The following EXD1 variants were observed in gnomAD, a reference collection of about 807,000 sequenced individuals.
EXD1 encodes the protein piRNA biogenesis protein EXD1.
In EXD1, 63 loss-of-function variants were observed where a neutral mutation model predicts 49.1. The observed-to-expected ratio is 1.28, with a 90% CI of 1.05 to 1.58. EXD1 has a LOEUF of 1.58. EXD1 is among the 40% of genes most tolerant of loss of function. The probability of loss-of-function intolerance (pLI) is 0.00; values close to 1 mark genes in which losing one functional copy is unlikely to be tolerated. For synonymous variants in EXD1, 234 were observed against 239.2 expected, an observed-to-expected ratio of 0.98 and a Z score of 0.20; for missense variants, 748 against 666.0, an observed-to-expected ratio of 1.12 and a Z score of -1.36.
At chr15:41,202,170 T>A (rs564861534) in intron 7 of EXD1, among the ~76,000 whole-genome samples, 1,722 of 149,542 alleles carry the variant, frequency 0.012, 12 homozygotes, top group Non-Finnish European at 0.016. Flanking sequence ...ATATATATTT[T>A]TTTTAATTTA....
Position 41,230,466 on chromosome 15 carries a change from A to G in EXD1, c.-54+13T>C, listed in dbSNP as rs778179261. ...TTTAAGACAAAATAAGGAACTTCAA[A>G]TAAATGGCGGACCATAAGCTAGGAA... On this transcript the variant is annotated intron_variant, in intron 1 of 11. Coordinates refer to ENST00000458580, the MANE Select transcript of EXD1 (RefSeq NM_001286441.2). 1.9e-6 allele frequency: 3 copies of G among 1,611,944 alleles called. No individual in the cohort carries two copies. Among genetic ancestry groups the G allele is most frequent in the Non-Finnish European group, 2.5e-6 (3 of 1,178,118 alleles).
Position 41,226,566 on chromosome 15 carries a change from T to TG in EXD1, c.9dup (p.Ser4GlnfsTer3). 1.3e-6 allele frequency: 2 copies of TG among 1,536,050 alleles called. No individual in the cohort carries two copies. Among genetic ancestry groups the TG allele is most frequent in the African/African-American group, 2.7e-5 (2 of 73,186 alleles). ...TGGCTGAGGAAATGGTAGTCACTGC[T>TG]GGGGTCCATGCTAATTGATTCCAAA... On this transcript the variant is annotated frameshift_variant, in exon 2 of 12. Transcript: ENST00000458580. LOFTEE classifies it high-confidence loss of function.
intron 7 of EXD1, among the ~76,000 whole-genome samples, chr15:41,196,991 A>AT (rs1280937557): frequency 1.3e-5 from 2 of 150,778 alleles, no homozygotes; most frequent in East Asian, 3.9e-4. Flanking sequence ...CGCCCAGCTA[A>AT]TTTTTGTATT....
intron 7 of EXD1, among the ~76,000 whole-genome samples, chr15:41,206,618 CTTTTTTTT>C (rs764744329): frequency 9.9e-6 from 1 of 101,192 alleles, no homozygotes. Context: ...TTATTCAATT[CTTTTTTTT>C]TTTTTTTTTT....
At chr15:41,193,676 G>A (rs1395738529) in intron 9 of EXD1, among the ~76,000 whole-genome samples, 3 of 151,782 alleles carry the variant, frequency 2.0e-5, no homozygotes, top group African/African-American at 7.3e-5. Context: ...GGACTTCGAG[G>A]CCACATTAGC....
chr15:41,223,452 G>A (rs1201470248), intron 2 of EXD1, among the ~76,000 whole-genome samples: 1 of 151,876 alleles, frequency 6.6e-6, no homozygotes, highest in Non-Finnish European at 1.5e-5. Flanking sequence ...TGGGTGTGGT[G>A]GCTCATGCCT....
chr15:41,207,369 C>T (rs2046848716), intron 7 of EXD1, among the ~76,000 whole-genome samples: 1 of 151,930 alleles, frequency 6.6e-6, no homozygotes, highest in South Asian at 2.1e-4. Flanking sequence ...TGGAGAAACC[C>T]TGTCTCTACT....
At chr15:41,202,144 T>G (rs948930701) in intron 7 of EXD1, among the ~76,000 whole-genome samples, 23 of 137,770 alleles carry the variant, frequency 1.7e-4, no homozygotes, top group African/African-American at 7.3e-4. Flanking sequence ...TCTCAGAACT[T>G]TCATTATATA....
intron 9 of EXD1, among the ~76,000 whole-genome samples, chr15:41,192,891 G>A (rs2046550141): frequency 6.7e-6 from 1 of 148,962 alleles, no homozygotes; most frequent in Non-Finnish European, 1.5e-5. Context: ...CGCCTCCCGG[G>A]TTCACGCCAT....
chr15:41,185,640 C>A (rs543680437), intron 11 of EXD1, among the ~76,000 whole-genome samples: 2 of 152,008 alleles, frequency 1.3e-5, no homozygotes, highest in African/African-American at 4.8e-5. Context: ...CAGCCTCCCC[C>A]ACTCAGAGGA....
chr15:41,195,678 A>C (rs994570738), intron 9 of EXD1, 97 bp downstream of exon 9: 2 of 896,392 alleles, frequency 2.2e-6, no homozygotes, highest in Non-Finnish European at 3.1e-6. Flanking sequence ...AAAAAAAAAA[A>C]ATTAAAAAGA....
At chr15:41,217,050 G>A in intron 4 of EXD1, 47 bp downstream of exon 4, 2 of 1,538,786 alleles carry the variant, frequency 1.3e-6, no homozygotes, top group Non-Finnish European at 1.8e-6. Flanking sequence ...CTACCCTAAT[G>A]TGCACATTTG....
intron 3 of EXD1, among the ~76,000 whole-genome samples, chr15:41,218,197 C>T (rs183542358): frequency 6.6e-6 from 1 of 152,126 alleles, no homozygotes; most frequent in East Asian, 1.9e-4. Flanking sequence ...AAAAATACAA[C>T]AATTGGGCTG....
rs1595436620 is a variant in EXD1, at chr15:41,199,748, T to TGATATATAATATATC, written c.535-3712_535-3711insGATATATTATATATC. On this transcript the variant is annotated intron_variant, in intron 7 of 11. Transcript: ENST00000458580. ...TATATATGATATATATGTCATATAT[T>TGATATATAATATATC]ATATATGATACATATATGATATATA... 1.8e-4 allele frequency among the ~76,000 whole-genome samples: 2 copies of TGATATATAATATATC among 10,844 alleles called. 1 individual carries two copies. Among genetic ancestry groups the TGATATATAATATATC allele is most frequent in the Admixed American group, 2.7e-3 (2 of 738 alleles). The allele number at this position is 10,844 out of a possible 152,430, so 7.1% of individuals were successfully genotyped here.
At position 41,195,776 on chromosome 15, in the gene EXD1, T is replaced by A; in HGVS notation, c.719A>T (p.Gln240Leu). The change falls in exon 9 of 12, where the codon CAG becomes CTG. Residue 240 changes from glutamine to leucine, a missense_variant and splice_region_variant. Gln to Leu is a moderately radical substitution (Grantham distance 113). Transcript: ENST00000458580. Reference sequence around the variant, plus strand: ...AATCCAGTGCTTCCCTTCATGTACCTGTGTGTCAAAGACATTATTCAGCAA... The same window carrying A: ...AATCCAGTGCTTCCCTTCATGTACCAGTGTGTCAAAGACATTATTCAGCAA... ...GILLNNVFDT[Q>L]VADVLQFSME... 1.2e-6 allele frequency: 2 copies of A among 1,611,436 alleles called. No homozygotes were observed. The highest frequency in any genetic ancestry group is 1.7e-6 in the Non-Finnish European group (2 of 1,178,984).
intron 9 of EXD1, among the ~76,000 whole-genome samples, chr15:41,194,035 G>A (rs1173205138): frequency 2.9e-5 from 4 of 135,640 alleles, no homozygotes; most frequent in Non-Finnish European, 6.2e-5. Context: ...TTGGTGAGAC[G>A]GAGTCTTGCT....
intron 6 of EXD1, among the ~76,000 whole-genome samples, chr15:41,211,043 A>G (rs930061919): frequency 2.6e-5 from 4 of 152,118 alleles, no homozygotes; most frequent in African/African-American, 9.7e-5. Flanking sequence ...TCAAACTTCC[A>G]GAGCAAAAGC....
chr15:41,216,211 T>A (rs1043302226), intron 5 of EXD1, among the ~76,000 whole-genome samples: 1 of 151,432 alleles, frequency 6.6e-6, no homozygotes, highest in African/African-American at 2.4e-5. Context: ...CCAGAAGCAA[T>A]GGCTCAGCTT....
chr15:41,184,661 T>TTC, intron 11 of EXD1, 68 bp from the exon 12 acceptor site: 1 of 1,422,784 alleles, frequency 7.0e-7, no homozygotes, highest in African/African-American at 1.4e-5. Flanking sequence ...AAAATCACTT[T>TTC]TTTTTTTTTT....
Sources: allele counts gnomAD v4.1 joint callset (sites outside exome capture counted in the v4.1 genomes callset), GRCh38; gene constraint gnomAD v4.1.1; transcripts MANE v1.5; gene names NCBI Gene and HGNC (gene_info 2026-07-23, HGNC 2026-07-21).